The following ZNF721 variants were observed in gnomAD, a reference collection of about 807,000 sequenced individuals.
ZNF721 encodes the protein zinc finger protein 721.
ZNF721 carries 2 observed loss-of-function variants against 2.4 expected under a neutral mutation model. The observed-to-expected ratio is 0.82, with a 90% CI of 0.34 to 2.58. The LOEUF (loss-of-function observed/expected upper bound fraction) is 2.58, where lower values mean the gene tolerates loss of function less well. Ranked by LOEUF, ZNF721 falls within the 30% of genes most tolerant of loss-of-function variation. ZNF721 has a pLI of 0.11. For missense variants in ZNF721, 1,187 were observed against 1,085.5 expected, an observed-to-expected ratio of 1.09 and a Z score of -1.31; for synonymous variants, 398 against 381.8, an observed-to-expected ratio of 1.04 and a Z score of -0.50.
At chr4:478,792 G>A (rs1222793502) in intron 1 of ZNF721, among the ~76,000 whole-genome samples, 1 of 139,470 alleles carries the variant, frequency 7.2e-6, no homozygotes, top group African/African-American at 2.7e-5. Flanking sequence ...TTTTTGAGAT[G>A]GGAGTCTCAC....
In ZNF721 at chr4:443,079, T is replaced by C; in HGVS notation, c.1388A>G (p.His463Arg). The change falls in exon 3 of 3, where the codon CAT (histidine) becomes CGT (arginine). Residue 463 changes from histidine to arginine, a missense_variant. By Grantham distance (29) the His-to-Arg change is conservative. Transcript: ENST00000511833. ...AFIHSLHLNKHEKIHTGKKPY... is the reference protein window; with the variant it reads ...AFIHSLHLNKREKIHTGKKPY... ...TTTCTTTCCAGTATGAATTTTCTCA[T>C]GTTTATTCAGGTGCAAGGAATGTAT... is the stretch of plus-strand genomic sequence containing the variant. 1 of 1,613,918 alleles carries C rather than the reference T, an allele frequency of 6.2e-7. No homozygotes were observed. The highest frequency in any genetic ancestry group is 8.5e-7 in the Non-Finnish European group (1 of 1,179,832).
At chr4:494,805 T>TA (rs1576975647) in intron 1 of ZNF721, among the ~76,000 whole-genome samples, 1 of 152,080 alleles carries the variant, frequency 6.6e-6, no homozygotes, top group East Asian at 1.9e-4. Context: ...CTCAGAGCTC[T>TA]AGGGAAAGCC....
chr4:441,945 T>C lies in ZNF721; in HGVS notation c.2522A>G (p.Glu841Gly), dbSNP rs181204928. The C allele has an allele frequency of 1.7e-3, 2,726 of 1,613,928 alleles. 48 individuals are homozygous for C. Among genetic ancestry groups the C allele is most frequent in the Non-Finnish European group, 1.9e-4 (220 of 1,179,908 alleles). The change falls in exon 3 of 3, where the codon GAA (glutamate) becomes GGA (glycine). Residue 841 changes from glutamate (E) to glycine (G), a missense_variant. Transcript: ENST00000511833. ...TGACTGTCTAAAGGCTTTGCCACAT[T>C]CTTCACATGTGTAGGGTTTCTCTCC... ...HTGEKPYTCEECGKAFRQSAI... is the reference protein window; with the variant it reads ...HTGEKPYTCEGCGKAFRQSAI...
intron 1 of ZNF721, among the ~76,000 whole-genome samples, chr4:497,732 CA>C (rs533555862): frequency 2.0e-3 from 252 of 123,918 alleles, no homozygotes; most frequent in East Asian, 0.014. Context: ...CTAAAAAATA[CA>C]AAAAAAAAAA....
chr4:461,317 G>A (rs1715062346), intron 2 of ZNF721, among the ~76,000 whole-genome samples: 1 of 152,168 alleles, frequency 6.6e-6, no homozygotes, highest in Non-Finnish European at 1.5e-5. Flanking sequence ...ATCAATAAAT[G>A]TAATCAATTA....
At chr4:481,948 A>G (rs782156147) in intron 1 of ZNF721, among the ~76,000 whole-genome samples, 7 of 152,238 alleles carry the variant, frequency 4.6e-5, no homozygotes, top group Non-Finnish European at 7.3e-5. Context: ...GTCATATAAA[A>G]TGTTACTTAA....
intron 2 of ZNF721, among the ~76,000 whole-genome samples, chr4:464,664 C>T (rs1237516109): frequency 1.3e-5 from 2 of 151,998 alleles, no homozygotes; most frequent in Non-Finnish European, 2.9e-5. Context: ...TAGAGGTTAA[C>T]TTTTGCTTGA....
intron 1 of ZNF721, among the ~76,000 whole-genome samples, chr4:474,944 T>G (rs1553868409): frequency 1.3e-5 from 2 of 151,964 alleles, no homozygotes; most frequent in Non-Finnish European, 2.9e-5. Context: ...ATCCTAGCAC[T>G]TTGGGAGGCC....
At chr4:488,410 A>G (rs1420821572) in intron 1 of ZNF721, among the ~76,000 whole-genome samples, 1 of 152,208 alleles carries the variant, frequency 6.6e-6, no homozygotes, top group African/African-American at 2.4e-5. Context: ...ACAGCAAAAC[A>G]AGAAGTTTGC....
At chr4:444,500 A>C in intron 2 of ZNF721, 68 bp from the exon 3 acceptor site, 2 of 1,415,528 alleles carry the variant, frequency 1.4e-6, no homozygotes, top group Non-Finnish European at 9.5e-7. Flanking sequence ...TACAAATCAT[A>C]AGATTATACA....
chr4:445,914 T>C (rs1222333958), intron 2 of ZNF721, among the ~76,000 whole-genome samples: 2 of 152,184 alleles, frequency 1.3e-5, no homozygotes, highest in African/African-American at 4.8e-5. Context: ...CCAGTGAATC[T>C]GTCAACAAAA....
rs950335395 is a variant in ZNF721 at position 465,200 on chromosome 4, T to C, written c.34+7375A>G. Among the ~76,000 whole-genome samples the C allele has an allele frequency of 1.7e-4, 25 of 150,364 alleles. No individual in the cohort carries two copies. In the Admixed American group the frequency reaches 1.7e-3, roughly 10 times the overall value. ...GAATTCAAGACCAGCCTGAGCAACA[T>C]AGCAAAACCCTGTCTCTACAAAAAA... On this transcript the variant is annotated intron_variant, in intron 2 of 2. Coordinates refer to ENST00000511833, the MANE Select transcript of ZNF721 (RefSeq NM_133474.4).
intron 2 of ZNF721, among the ~76,000 whole-genome samples, chr4:464,875 C>T (rs1277156779): frequency 1.3e-5 from 2 of 150,458 alleles, no homozygotes; most frequent in East Asian, 2.0e-4. Flanking sequence ...GTCAGGAGAT[C>T]GAAACCATCA....
chr4:493,676 C>T (rs1189114938), intron 1 of ZNF721, among the ~76,000 whole-genome samples: 13 of 81,924 alleles, frequency 1.6e-4, no homozygotes, highest in Non-Finnish European at 2.5e-4. Flanking sequence ...AAGATTCCAT[C>T]CCCCCCGCAA....
chr4:479,962 T>G (rs1228086465), intron 1 of ZNF721, among the ~76,000 whole-genome samples: 1 of 152,210 alleles, frequency 6.6e-6, no homozygotes, highest in Non-Finnish European at 1.5e-5. Context: ...CATTCTTGTT[T>G]GGTAATTTCG....
intron 2 of ZNF721, among the ~76,000 whole-genome samples, chr4:461,094 A>G (rs1433791865): frequency 2.0e-5 from 3 of 152,202 alleles, no homozygotes; most frequent in African/African-American, 7.2e-5. Flanking sequence ...TCCCTAACTC[A>G]TTTTATGAGG....
intron 1 of ZNF721, among the ~76,000 whole-genome samples, chr4:496,806 G>A (rs1716167218): frequency 7.2e-6 from 1 of 138,538 alleles, no homozygotes; most frequent in Non-Finnish European, 1.5e-5. Context: ...TCCGCCTCCC[G>A]GGTTCACGCC....
At chr4:447,018 A>G (rs1714499363) in intron 2 of ZNF721, among the ~76,000 whole-genome samples, 1 of 152,134 alleles carries the variant, frequency 6.6e-6, no homozygotes, top group Non-Finnish European at 1.5e-5. Context: ...ACTCGTTTTT[A>G]CCAGTTTAAA....
At chr4:471,701 A>C (rs892233241) in intron 2 of ZNF721, among the ~76,000 whole-genome samples, 10 of 152,170 alleles carry the variant, frequency 6.6e-5, no homozygotes, top group African/African-American at 1.4e-4. Flanking sequence ...ATAATACTGT[A>C]ATGTATGCTT....
Sources: allele counts gnomAD v4.1 joint callset (sites outside exome capture counted in the v4.1 genomes callset), GRCh38; gene constraint gnomAD v4.1.1; transcripts MANE v1.5; gene names NCBI Gene and HGNC (gene_info 2026-07-23, HGNC 2026-07-21).